Variants in UBR1 observed in about 807,000 individuals in gnomAD.
UBR1 encodes the protein E3 ubiquitin-protein ligase UBR1.
UBR1 carries 102 observed loss-of-function variants against 242.1 expected under a neutral mutation model. The ratio of observed to expected loss-of-function variants is 0.42; its 90% CI spans 0.36 to 0.50. The LOEUF (loss-of-function observed/expected upper bound fraction) is 0.50. Ranked by LOEUF, UBR1 falls within the 20% of genes least tolerant of loss-of-function variation. UBR1 has a pLI of 0.01. For synonymous variants in UBR1, 675 were observed against 684.8 expected (o/e 0.99, Z 0.22); for missense variants, 1,772 against 2,101.8 (o/e 0.84, Z 3.07).
At chr15:42,992,634 T>C (rs1051873744) in intron 33 of UBR1, among the ~76,000 whole-genome samples, 4 of 152,220 alleles carry the variant, frequency 2.6e-5, no homozygotes, top group African/African-American at 9.6e-5. Flanking sequence ...ATTCTGCACA[T>C]GTGCAGCTTG....
rs115502853 is a variant in UBR1, at chr15:43,069,815, G to A, written c.659+980C>T. On this transcript the variant is annotated intron_variant, in intron 5 of 46. Coordinates refer to ENST00000290650, the MANE Select transcript of UBR1 (RefSeq NM_174916.3). Reference sequence around the variant, plus strand: ...AAAAAATGACACTCAAGCAATCCTCGTTTTTTTATGGGCAGATGGCTCATA... The same window carrying A: ...AAAAAATGACACTCAAGCAATCCTCATTTTTTTATGGGCAGATGGCTCATA... 6.0e-3 allele frequency among the ~76,000 whole-genome samples: 907 copies of A among 152,110 alleles called. 10 individuals are homozygous for A. Among genetic ancestry groups the A allele is most frequent in the African/African-American group, 0.021 (854 of 41,470 alleles).
At chr15:43,057,005 T>A (rs2033627220) in intron 10 of UBR1, among the ~76,000 whole-genome samples, 1 of 152,062 alleles carries the variant, frequency 6.6e-6, no homozygotes, top group Non-Finnish European at 1.5e-5. Flanking sequence ...ATAATAGGCA[T>A]CTATTATGTG....
intron 30 of UBR1, among the ~76,000 whole-genome samples, chr15:43,004,406 C>T (rs999328184): frequency 6.6e-6 from 1 of 152,154 alleles, no homozygotes; most frequent in African/African-American, 2.4e-5. Context: ...CGGTCTCCCT[C>T]TGATGCCACC....
At chr15:42,959,885 T>C (rs1169178258) in intron 43 of UBR1, among the ~76,000 whole-genome samples, 1 of 152,202 alleles carries the variant, frequency 6.6e-6, no homozygotes, top group Non-Finnish European at 1.5e-5. Context: ...GTGCACTGTC[T>C]TGAAGTTTGC....
At chr15:43,098,877 T>C (rs1188858862) in intron 1 of UBR1, among the ~76,000 whole-genome samples, 1 of 152,204 alleles carries the variant, frequency 6.6e-6, no homozygotes, top group Non-Finnish European at 1.5e-5. Context: ...TCAAAAGACC[T>C]ACATTTTCAT....
rs2031694310 is a variant in UBR1 at position 42,944,125 on chromosome 15, C to T, written c.*1204G>A. 6.6e-6 allele frequency: 1 copy of T among 152,286 alleles called. No homozygotes were observed. The highest frequency in any genetic ancestry group is 2.4e-5 in the African/African-American group (1 of 41,446). The allele number at this position is 152,286 out of a possible 1,614,324, so 9.4% of individuals were successfully genotyped here. On this transcript the variant is annotated 3_prime_UTR_variant, in exon 47 of 47. Transcript: ENST00000290650. ...ATCTTTCAAGGTTCTAACATTACCC[C>T]AGAAACAACGTAAGTTAAAATGGAA...
chr15:42,984,972 A>G (rs1391267023), intron 35 of UBR1, 30 bp from the exon 36 acceptor site: 4 of 1,507,874 alleles, frequency 2.7e-6, no homozygotes, highest in South Asian at 1.1e-5. Context: ...TAAAAATAAT[A>G]AATCCTGAAT....
intron 29 of UBR1, among the ~76,000 whole-genome samples, chr15:43,007,839 G>A (rs1285006428): frequency 6.6e-6 from 1 of 152,048 alleles, no homozygotes; most frequent in Non-Finnish European, 1.5e-5. Flanking sequence ...AGCTCTTACT[G>A]TATGTGCCAT....
intron 36 of UBR1, 110 bp downstream of exon 36, chr15:42,984,777 C>T (rs1596085610): frequency 1.0e-6 from 1 of 994,876 alleles, no homozygotes; most frequent in East Asian, 2.4e-5. Context: ...CTATAGAATT[C>T]TGCTAATTTT....
chr15:43,027,416 A>G (rs1327493717), intron 22 of UBR1, among the ~76,000 whole-genome samples: 1 of 152,144 alleles, frequency 6.6e-6, no homozygotes, highest in African/African-American at 2.4e-5. Context: ...TACTGTTTTA[A>G]TTCTACCAGA....
chr15:43,056,239 T>C (rs1159633647), intron 11 of UBR1, 105 bp downstream of exon 11: 16 of 927,458 alleles, frequency 1.7e-5, no homozygotes, highest in Non-Finnish European at 2.8e-5. Flanking sequence ...TAGCCCAACT[T>C]AGTGATTCTA....
Position 43,038,180 on chromosome 15 carries a change from A to G in UBR1, c.1902T>C (p.Phe634=). 1 of 1,614,148 alleles carries G rather than the reference A, an allele frequency of 6.2e-7. No homozygotes were observed. Among genetic ancestry groups the G allele is most frequent in the Non-Finnish European group, 8.5e-7 (1 of 1,180,000 alleles). The part of the protein sequence containing the change: ...RLGAVSRLHE[F]VSFEDFQVEV... ...TAGTAGAATCACTTACAAAAGACAC[A>G]AATTCATGCAGTCTTGAAACAGCAC... Residue 634 remains phenylalanine, a synonymous_variant, in exon 16 of 47, where the codon TTT becomes TTC. Transcript: ENST00000290650.
intron 33 of UBR1, 94 bp from the exon 34 acceptor site, chr15:42,990,214 T>C: frequency 1.1e-6 from 1 of 906,616 alleles, no homozygotes. Context: ...TTTGACAGTC[T>C]CACTCTGTCA....
At chr15:42,950,491 AACAG>A in intron 45 of UBR1, 128 bp from the exon 46 acceptor site, 3 of 750,034 alleles carry the variant, frequency 4.0e-6, no homozygotes. Context: ...AGACAATATA[AACAG>A]ACAAATAGAC....
chr15:43,058,270 C>T (rs547733065), intron 10 of UBR1, 71 bp downstream of exon 10: 2 of 993,476 alleles, frequency 2.0e-6, no homozygotes, highest in South Asian at 2.9e-5. Flanking sequence ...CATAATTATC[C>T]CTGTTTCTAT....
intron 21 of UBR1, among the ~76,000 whole-genome samples, chr15:43,028,338 C>A (rs544983014): frequency 6.6e-6 from 1 of 152,232 alleles, no homozygotes; most frequent in South Asian, 2.1e-4. Flanking sequence ...AAATAGGGAA[C>A]ACTATTTTTT....
chr15:42,962,311 T>C (rs2032036322), intron 42 of UBR1, among the ~76,000 whole-genome samples: 1 of 151,826 alleles, frequency 6.6e-6, no homozygotes, highest in Non-Finnish European at 1.5e-5. Context: ...AGATCACCAC[T>C]CCCCTAGGCT....
chr15:42,983,347 A>C (rs1474358956), intron 37 of UBR1, among the ~76,000 whole-genome samples: 7 of 152,046 alleles, frequency 4.6e-5, no homozygotes, highest in Non-Finnish European at 1.0e-4. Flanking sequence ...ATATTTGGAA[A>C]ATACAGATTT....
chr15:43,085,567 G>C (rs1277201495), intron 2 of UBR1, among the ~76,000 whole-genome samples: 2 of 149,462 alleles, frequency 1.3e-5, no homozygotes, highest in Non-Finnish European at 3.0e-5. Flanking sequence ...AGTACATCGT[G>C]AAATAGATAC....
Sources: gnomAD v4.1 joint callset for allele counts (sites outside exome capture counted in the v4.1 genomes callset) on GRCh38, gnomAD v4.1.1 for gene constraint, MANE v1.5 for transcripts, NCBI Gene and HGNC (gene_info 2026-07-23, HGNC 2026-07-21) for gene names.